Variants in ASRGL1 observed in about 807,000 individuals in gnomAD.
ASRGL1 encodes the protein asparaginase and isoaspartyl peptidase 1, also known as isoaspartyl peptidase/L-asparaginase.
ASRGL1 carries 16 observed loss-of-function variants against 22.4 expected under a neutral mutation model. That is an observed-to-expected ratio of 0.71 (90% CI 0.48 to 1.08). The LOEUF (loss-of-function observed/expected upper bound fraction) is 1.08, where lower values mean the gene tolerates loss of function less well. Ranked by LOEUF, ASRGL1 falls within the 50% of genes least tolerant of loss-of-function variation. ASRGL1 has a pLI of 0.00. For synonymous variants in ASRGL1, 165 were observed against 159.3 expected (o/e 1.04, Z -0.27); for missense variants, 412 against 410.1 (o/e 1.00, Z -0.04).
Position 62,375,429 on chromosome 11 carries a change from TA to T in ASRGL1, c.492-13703del, listed in dbSNP as rs1946891086. 7.8e-3 allele frequency among the ~76,000 whole-genome samples: 16 copies of T among 2,042 alleles called. No individual in the cohort carries two copies. The South Asian group carries it at 0.11, about 14-fold the overall frequency. The allele number at this position is 2,042 out of a possible 152,430, so 1.3% of individuals were successfully genotyped here. A position where few individuals can be genotyped will look rare whatever the true frequency, so the allele number is the denominator to read the frequency against. ...GTTTAGTGCTGTAATTGTCTTACTT[TA>T]TATATATATATATATATATATATAT... On this transcript the variant is annotated intron_variant, in intron 4 of 6. Coordinates refer to ENST00000415229, the MANE Select transcript of ASRGL1 (RefSeq NM_001083926.2).
chr11:62,368,920 TTTACACC>T (rs1045940257), intron 4 of ASRGL1, among the ~76,000 whole-genome samples: 3 of 152,140 alleles, frequency 2.0e-5, no homozygotes, highest in African/African-American at 7.2e-5. Flanking sequence ...ACAATCGGGT[TTTACACC>T]CGAGACATTC....
In ASRGL1 at chr11:62,362,379, A is replaced by T. The variant is rs1287162683; in HGVS notation, c.491+5235A>T. On this transcript the variant is annotated intron_variant, in intron 4 of 6. Transcript: ENST00000415229. ...GAGCAAATCATGGACTTTAACAAAAAGTGAAATTAATTTTGAACTTGTATT... is the reference window on the plus strand; with the variant it reads ...GAGCAAATCATGGACTTTAACAAAATGTGAAATTAATTTTGAACTTGTATT... 2.7e-5 allele frequency among the ~76,000 whole-genome samples: 4 copies of T among 146,114 alleles called. No homozygotes were observed. The Admixed American group carries it at 3.0e-4, about 11-fold the overall frequency.
At chr11:62,382,832 A>G in intron 4 of ASRGL1, 1 of 152,302 alleles carries the variant, frequency 6.6e-6, no homozygotes, top group Non-Finnish European at 1.5e-5. Context: ...GGTACTTGAA[A>G]TTAGAGAATG....
chr11:62,353,247 A>C (rs1946207157), intron 2 of ASRGL1, among the ~76,000 whole-genome samples: 2 of 151,808 alleles, frequency 1.3e-5, no homozygotes, highest in Non-Finnish European at 2.9e-5. Flanking sequence ...TTTCAGCTCT[A>C]ACTTCCATTT....
At chr11:62,395,052 C>CAAA, downstream of ASRGL1, among the ~76,000 whole-genome samples, 1 of 152,334 alleles carries the variant, frequency 6.6e-6, no homozygotes, top group South Asian at 2.1e-4. Flanking sequence ...GGAAGGTACT[C>CAAA]TATCTGGATC....
At chr11:62,395,611 A>G (rs979854732), downstream of ASRGL1, among the ~76,000 whole-genome samples, 3 of 152,054 alleles carry the variant, frequency 2.0e-5, no homozygotes, top group African/African-American at 7.2e-5. Context: ...AGTCCCCTTC[A>G]GTGTCCTGTT....
intron 2 of ASRGL1, among the ~76,000 whole-genome samples, chr11:62,354,932 A>T (rs568223949): frequency 2.0e-5 from 3 of 152,190 alleles, no homozygotes; most frequent in Non-Finnish European, 4.4e-5. Context: ...ATGGAGTGCC[A>T]AGTCAGATTT....
intron 4 of ASRGL1, among the ~76,000 whole-genome samples, chr11:62,365,795 G>T (rs979431147): frequency 4.2e-4 from 64 of 152,310 alleles, no homozygotes; most frequent in African/African-American, 1.4e-3. Flanking sequence ...GCTGCTGTGA[G>T]CTGAGATGGC....
rs1555002056 is a variant in ASRGL1 at position 62,358,371 on chromosome 11, G to GGAA, written c.491+1227_491+1228insGAA. Among the ~76,000 whole-genome samples the GGAA allele has an allele frequency of 9.8e-5, 11 of 111,830 alleles. No individual in the cohort carries two copies. In the South Asian group the frequency reaches 2.3e-3, roughly 23 times the overall value. The allele number at this position is 111,830 out of a possible 152,430, so 73.4% of individuals were successfully genotyped here. A position where few individuals can be genotyped will look rare whatever the true frequency, so the allele number is the denominator to read the frequency against. ...GGCAACAAAGCGAGACTCCGTCTCAGAAAAAAAAAAAAAAAAAAAAGATTG... is the reference window on the plus strand; with the variant it reads ...GGCAACAAAGCGAGACTCCGTCTCAGGAAAAAAAAAAAAAAAAAAAAAAGATTG... On this transcript the variant is annotated intron_variant, in intron 4 of 6. Transcript: ENST00000415229.
intron 5 of ASRGL1, 53 bp from the exon 6 acceptor site, chr11:62,391,469 G>C: frequency 6.4e-7 from 1 of 1,555,502 alleles, no homozygotes; most frequent in Non-Finnish European, 8.7e-7. Flanking sequence ...CTTCTAATAT[G>C]GATTTGAATT....
chr11:62,353,619 A>G (rs1376687036), intron 2 of ASRGL1, among the ~76,000 whole-genome samples: 4 of 152,138 alleles, frequency 2.6e-5, no homozygotes, highest in Non-Finnish European at 5.9e-5. Flanking sequence ...TACAAAGCAC[A>G]GGTATGAGCC....
intron 4 of ASRGL1, among the ~76,000 whole-genome samples, chr11:62,379,073 TCA>T (rs1947001319): frequency 6.6e-6 from 1 of 152,172 alleles, no homozygotes; most frequent in East Asian, 1.9e-4. Context: ...GTAATAAATC[TCA>T]ACCCCACAGA....
At chr11:62,389,032 A>C in intron 4 of ASRGL1, 101 bp from the exon 5 acceptor site, 1 of 999,092 alleles carries the variant, frequency 1.0e-6, no homozygotes, top group Non-Finnish European at 1.5e-6. Context: ...TGCCCCATCA[A>C]CATATAACAT....
intron 4 of ASRGL1, among the ~76,000 whole-genome samples, chr11:62,379,746 G>C (rs912357674): frequency 3.3e-5 from 5 of 152,104 alleles, no homozygotes; most frequent in Admixed American, 1.3e-4. Flanking sequence ...GTTGTATTGT[G>C]GTAACTGGCT....
chr11:62,395,364 A>C (rs758883079), downstream of ASRGL1, among the ~76,000 whole-genome samples: 1 of 152,026 alleles, frequency 6.6e-6, no homozygotes, highest in African/African-American at 2.4e-5. Context: ...ATGGTGGGAT[A>C]ATAAGGAGCA....
intron 4 of ASRGL1, among the ~76,000 whole-genome samples, chr11:62,377,619 G>C (rs762049327): frequency 6.6e-6 from 1 of 152,100 alleles, no homozygotes; most frequent in Non-Finnish European, 1.5e-5. Flanking sequence ...AGAACTGGAC[G>C]ATTTTTGTTT....
At chr11:62,385,864 CAAAAAT>C (rs1393438504) in intron 4 of ASRGL1, among the ~76,000 whole-genome samples, 3 of 151,542 alleles carry the variant, frequency 2.0e-5, no homozygotes, top group African/African-American at 7.3e-5. Context: ...AACTCCATCT[CAAAAAT>C]GAAATAAAAT....
At chr11:62,389,522 G>A (rs1040101152) in intron 5 of ASRGL1, 5 of 480,662 alleles carry the variant, frequency 1.0e-5, no homozygotes, top group East Asian at 8.7e-5. Context: ...GGATGCTAAC[G>A]TTGCCCCCAG....
rs1482836331 is a variant in ASRGL1, at chr11:62,338,032, C to G, written c.55C>G (p.Arg19Gly). ...CGGAGCCGGTCCCATCTCCAAGGAT[C>G]GGAAGGAGCGAGTGCACCAGGGCAT... Reference protein sequence around the residue: ...GGGAGPISKDRKERVHQGMVR... With the variant: ...GGGAGPISKDGKERVHQGMVR... Residue 19 changes from arginine to glycine, a missense_variant, in exon 2 of 7, where the codon CGG becomes GGG. Coordinates refer to ENST00000415229, the MANE Select transcript of ASRGL1 (RefSeq NM_001083926.2). The G allele has an allele frequency of 6.2e-7, 1 of 1,608,056 alleles. No homozygotes were observed. Among genetic ancestry groups the G allele is most frequent in the Non-Finnish European group, 8.5e-7 (1 of 1,177,706 alleles).
Sources: allele counts gnomAD v4.1 joint callset (sites outside exome capture counted in the v4.1 genomes callset), GRCh38; gene constraint gnomAD v4.1.1; transcripts MANE v1.5; gene names NCBI Gene and HGNC (gene_info 2026-07-23, HGNC 2026-07-21).